Variants in NHS observed in about 807,000 individuals in gnomAD.
The protein encoded by NHS is actin remodeling regulator NHS.
In NHS, 5 loss-of-function variants were observed where a neutral mutation model predicts 72.5. That is an observed-to-expected ratio of 0.07 (90% CI 0.04 to 0.14). The LOEUF (loss-of-function observed/expected upper bound fraction) is 0.14, where lower values mean the gene tolerates loss of function less well. NHS is among the 10% of genes least tolerant of loss of function. The probability of loss-of-function intolerance (pLI) is 1.00; values close to 1 mark genes in which losing one functional copy is unlikely to be tolerated. For missense variants in NHS, 1,072 were observed against 1,355.7 expected (o/e 0.79, Z 3.29); for synonymous variants, 464 against 547.7 (o/e 0.85, Z 2.13).
At chrX:17,507,672 G>A (rs188255627) in intron 1 of NHS, among the ~76,000 whole-genome samples, 1 of 112,332 alleles carries the variant, frequency 8.9e-6, no homozygotes, top group East Asian at 2.8e-4. Context: ...TACCCGAGGT[G>A]TCTGATCACT....
intron 1 of NHS, among the ~76,000 whole-genome samples, chrX:17,434,231 T>G (rs1391916354): frequency 9.0e-6 from 1 of 111,585 alleles, no homozygotes; most frequent in Non-Finnish European, 1.9e-5. Context: ...GGTCTAGCAG[T>G]GTGTCCAGAG....
At chrX:17,691,540 C>T (rs960482217) in intron 2 of NHS, among the ~76,000 whole-genome samples, 1 of 111,229 alleles carries the variant, frequency 9.0e-6, no homozygotes, top group Non-Finnish European at 1.9e-5. Flanking sequence ...GTTCAGGCAG[C>T]GAGGCACACG....
chrX:17,541,767 A>AACAGAC (rs2065264586), intron 1 of NHS, among the ~76,000 whole-genome samples: 1 of 62,902 alleles, frequency 1.6e-5, no homozygotes, highest in Admixed American at 1.7e-4. Context: ...TGAGTTTGCG[A>AACAGAC]ACACACACAC....
At chrX:17,460,497 C>A (rs1414906519) in intron 1 of NHS, among the ~76,000 whole-genome samples, 2 of 110,577 alleles carry the variant, frequency 1.8e-5, no homozygotes, top group Non-Finnish European at 3.8e-5. Flanking sequence ...ATTTTAAATG[C>A]ACCATTCAAT....
chrX:17,376,034 G>C lies in NHS; in HGVS notation c.277G>C (p.Glu93Gln). Reference protein sequence around the residue: ...PPHGEASVAGEESTAGIPEAA... With the variant: ...PPHGEASVAGQESTAGIPEAA... ...GCACGGAGAGGCGTCCGTGGCTGGC[G>C]AGGAGAGCACGGCGGGGATCCCGGA... The change falls in exon 1 of 9, where the codon GAG becomes CAG. Residue 93 changes from glutamate to glutamine, a missense_variant. Physicochemically the swap from Glu to Gln is conservative, Grantham distance 29. Coordinates refer to ENST00000676302, the MANE Select transcript of NHS (RefSeq NM_001291867.2). 3 of 1,082,473 alleles carry C rather than the reference G, an allele frequency of 2.8e-6. No individual in the cohort carries two copies. Among genetic ancestry groups the C allele is most frequent in the Non-Finnish European group, 3.6e-6 (3 of 838,060 alleles). The allele number at this position is 1,082,473 out of a possible 1,213,427, so 89.2% of individuals were successfully genotyped here.
intron 1 of NHS, among the ~76,000 whole-genome samples, chrX:17,686,597 T>C (rs1157586587): frequency 1.8e-5 from 2 of 112,275 alleles, no homozygotes; most frequent in African/African-American, 6.5e-5. Flanking sequence ...CTCCCAGCTG[T>C]CATGAGCACA....
intron 1 of NHS, among the ~76,000 whole-genome samples, chrX:17,571,673 C>G (rs2065479322): frequency 8.9e-6 from 1 of 111,732 alleles, no homozygotes; most frequent in African/African-American, 3.3e-5. Flanking sequence ...TCCTTCAGTT[C>G]TGCTCTGATC....
chrX:17,403,093 T>A (rs1218269787), intron 1 of NHS, among the ~76,000 whole-genome samples: 1 of 112,143 alleles, frequency 8.9e-6, no homozygotes. Flanking sequence ...CTCTGCTATC[T>A]TTTTGGTCCT....
intron 1 of NHS, among the ~76,000 whole-genome samples, chrX:17,616,014 A>G (rs993865151): frequency 6.0e-4 from 67 of 112,409 alleles, no homozygotes; most frequent in African/African-American, 1.8e-3. Flanking sequence ...TGAGCCAGGG[A>G]CTATGTCTTA....
chrX:17,643,150 A>G (rs2065889899), intron 1 of NHS, among the ~76,000 whole-genome samples: 2 of 112,423 alleles, frequency 1.8e-5, no homozygotes, highest in Non-Finnish European at 3.8e-5. Context: ...TTCTCCTTCC[A>G]TAGATGAAGA....
At chrX:17,559,423 G>A (rs2065400558) in intron 1 of NHS, among the ~76,000 whole-genome samples, 1 of 111,910 alleles carries the variant, frequency 8.9e-6, no homozygotes, top group Admixed American at 9.4e-5. Context: ...GATGAGGCAG[G>A]GTGCTTTTAG....
At chrX:17,500,498 C>G (rs894647886) in intron 1 of NHS, among the ~76,000 whole-genome samples, 1 of 111,610 alleles carries the variant, frequency 9.0e-6, no homozygotes, top group Non-Finnish European at 1.9e-5. Context: ...TAGAAATGCC[C>G]TGGCTGTGAT....
chrX:17,573,522 G>T (rs1217635395), intron 1 of NHS, among the ~76,000 whole-genome samples: 2 of 109,406 alleles, frequency 1.8e-5, no homozygotes, highest in Non-Finnish European at 3.8e-5. Flanking sequence ...GTGGTTTTCA[G>T]CTCCATCAGA....
chrX:17,674,476 C>G (rs1034481475), intron 1 of NHS, among the ~76,000 whole-genome samples: 1 of 112,221 alleles, frequency 8.9e-6, no homozygotes, highest in African/African-American at 3.2e-5. Context: ...ATGTCAATTT[C>G]ATAGGGTTCA....
At chrX:17,628,966 T>C (rs1316046658) in intron 1 of NHS, among the ~76,000 whole-genome samples, 1 of 112,960 alleles carries the variant, frequency 8.9e-6, no homozygotes, top group Non-Finnish European at 1.9e-5. Flanking sequence ...ATTATTACCA[T>C]GAAGAAACTT....
intron 1 of NHS, among the ~76,000 whole-genome samples, chrX:17,416,819 T>TGTGTGA (rs1445369548): frequency 1.0e-5 from 1 of 98,194 alleles, no homozygotes; most frequent in African/African-American, 3.9e-5. Context: ...TGTGTGTGTG[T>TGTGTGA]GAGAGAGAGA....
chrX:17,556,383 G>A (rs944888828), intron 1 of NHS, among the ~76,000 whole-genome samples: 2 of 112,989 alleles, frequency 1.8e-5, no homozygotes, highest in African/African-American at 6.4e-5. Context: ...CACAGACCAC[G>A]CAAATGGCCA....
intron 3 of NHS, among the ~76,000 whole-genome samples, chrX:17,709,410 T>A (rs2066315756): frequency 9.0e-6 from 1 of 111,621 alleles, no homozygotes; most frequent in Admixed American, 9.6e-5. Context: ...CATATTGTCC[T>A]GATTGGACTC....
chrX:17,630,259 A>G (rs1013735353), intron 1 of NHS, among the ~76,000 whole-genome samples: 1 of 103,020 alleles, frequency 9.7e-6, no homozygotes, highest in South Asian at 4.8e-4. Context: ...TACCACCCTG[A>G]ATGCACCCAA....
Sources: allele counts gnomAD v4.1 joint callset (sites outside exome capture counted in the v4.1 genomes callset), GRCh38; gene constraint gnomAD v4.1.1; transcripts MANE v1.5; gene names NCBI Gene and HGNC (gene_info 2026-07-23, HGNC 2026-07-21).